The following MED12L variants were observed in gnomAD, a reference collection of about 807,000 sequenced individuals.
MED12L encodes mediator complex subunit 12L.
MED12L carries 60 observed loss-of-function variants against 281.3 expected under a neutral mutation model. The ratio of observed to expected loss-of-function variants is 0.21; its 90% CI spans 0.17 to 0.26. MED12L has a LOEUF of 0.26. MED12L is among the 10% of genes least tolerant of loss of function. The pLI is 1.00. For synonymous variants in MED12L, 974 were observed against 987.2 expected, an observed-to-expected ratio of 0.99 and a Z score of 0.25; for missense variants, 2,146 against 2,680.9, an observed-to-expected ratio of 0.80 and a Z score of 4.41.
intron 16 of MED12L, among the ~76,000 whole-genome samples, chr3:151,259,297 A>G (rs1738428792): frequency 6.6e-6 from 1 of 152,134 alleles, no homozygotes. Flanking sequence ...ACTATGCTAT[A>G]TTTTTCTTAA....
At chr3:151,425,563 T>A in intron 43 of MED12L, 1 of 369,792 alleles carries the variant, frequency 2.7e-6, no homozygotes, top group South Asian at 1.6e-5. Context: ...TTTTTGTTTT[T>A]GTTTGTGTGT....
chr3:151,256,849 G>GTT (rs527914597), intron 16 of MED12L, among the ~76,000 whole-genome samples: 2 of 138,790 alleles, frequency 1.4e-5, no homozygotes, highest in East Asian at 2.1e-4. Flanking sequence ...AATGACAGAG[G>GTT]TTTTTTTTTT....
intron 16 of MED12L, among the ~76,000 whole-genome samples, chr3:151,297,778 T>C (rs1745305075): frequency 6.6e-6 from 1 of 152,130 alleles, no homozygotes. Flanking sequence ...AATGATGATA[T>C]TGATGATGAT....
chr3:151,273,189 A>G (rs956389223), intron 16 of MED12L, among the ~76,000 whole-genome samples: 9 of 149,714 alleles, frequency 6.0e-5, no homozygotes, highest in Non-Finnish European at 8.9e-5. Flanking sequence ...GGGAAAGAAG[A>G]TGATGCTGGC....
At chr3:151,208,465 G>A (rs1268653273) in intron 16 of MED12L, among the ~76,000 whole-genome samples, 6 of 152,120 alleles carry the variant, frequency 3.9e-5, no homozygotes, top group East Asian at 1.9e-4. Context: ...ATGGATCACC[G>A]GAGGTCGGGA....
intron 16 of MED12L, chr3:151,338,410 CAGAG>C: frequency 6.2e-7 from 1 of 1,614,078 alleles, no homozygotes; most frequent in Non-Finnish European, 8.5e-7. Flanking sequence ...CAGATGACAA[CAGAG>C]AGAATCTTAG....
chr3:151,345,661 G>C (rs1752446619), intron 16 of MED12L, among the ~76,000 whole-genome samples: 1 of 151,522 alleles, frequency 6.6e-6, no homozygotes, highest in South Asian at 2.1e-4. Context: ...GAAATTATAG[G>C]CACCTGCCAC....
chr3:151,221,405 A>G (rs371535934), intron 16 of MED12L, among the ~76,000 whole-genome samples: 5 of 152,240 alleles, frequency 3.3e-5, no homozygotes, highest in African/African-American at 9.6e-5. Flanking sequence ...GGGAAAATGT[A>G]TCCAGGGCAT....
At chr3:151,371,215 C>T (rs1756145174) in intron 26 of MED12L, among the ~76,000 whole-genome samples, 1 of 152,206 alleles carries the variant, frequency 6.6e-6, no homozygotes, top group South Asian at 2.1e-4. Flanking sequence ...CCCTAACCAA[C>T]TCTCAATTCC....
chr3:151,180,706 A>T (rs757659321), intron 11 of MED12L, among the ~76,000 whole-genome samples: 1 of 152,216 alleles, frequency 6.6e-6, no homozygotes, highest in Admixed American at 6.5e-5. Context: ...GGGTGAGTCA[A>T]ATCATTGAGA....
At position 151,185,392 on chromosome 3, in the gene MED12L, G is replaced by T. The variant is rs768742726; in HGVS notation, c.1557G>T (p.Arg519=). Residue 519 remains arginine, a synonymous_variant, in exon 12 of 45, where the codon CGG becomes CGT. Coordinates refer to ENST00000687756, the MANE Select transcript of MED12L (RefSeq NM_001393769.1). ...LLCEWAVSCK[R]SGKHRAMAVA... is the part of the protein sequence containing the mutation. ...GTGAATGGGCCGTGAGCTGCAAACG[G>T]TCTGGCAAGCACAGGGCCATGGCTG... 1 of 1,613,966 alleles carries T rather than the reference G, an allele frequency of 6.2e-7. No individual in the cohort carries two copies. Among genetic ancestry groups the T allele is most frequent in the South Asian group, 1.1e-5 (1 of 91,072 alleles).
At chr3:151,413,678 T>A (rs1361184267) in intron 42 of MED12L, among the ~76,000 whole-genome samples, 2 of 152,222 alleles carry the variant, frequency 1.3e-5, no homozygotes, top group Admixed American at 6.5e-5. Flanking sequence ...AGAGCTTTCA[T>A]CAGATTCCTA....
intron 11 of MED12L, among the ~76,000 whole-genome samples, chr3:151,167,542 C>G (rs1387098710): frequency 6.6e-6 from 1 of 152,124 alleles, no homozygotes; most frequent in East Asian, 1.9e-4. Context: ...GATTATTATT[C>G]TTTTTGGAAT....
chr3:151,293,576 TACACACACACAC>T (rs55846173), intron 16 of MED12L, among the ~76,000 whole-genome samples: 32 of 76,224 alleles, frequency 4.2e-4, no homozygotes, highest in South Asian at 3.5e-3. Flanking sequence ...ATGAAGCCCT[TACACACACACAC>T]ACACACACAC....
Position 151,434,219 on chromosome 3 carries a change from TCTA to T in MED12L, c.*1418_*1420del, listed in dbSNP as rs1033971935. On this transcript the variant is annotated 3_prime_UTR_variant, in exon 45 of 45. Coordinates refer to ENST00000687756, the MANE Select transcript of MED12L (RefSeq NM_001393769.1). ...GTCTATAATGAGCAGACCATGTAAATCTACTTTTTTTAAAATGTAGCTAGTACA... is the reference window on the plus strand; with the variant it reads ...GTCTATAATGAGCAGACCATGTAAATCTTTTTTTAAAATGTAGCTAGTACA... 2.6e-4 allele frequency: 39 copies of T among 152,344 alleles called. No individual in the cohort carries two copies. The highest frequency in any genetic ancestry group is 1.4e-3 in the South Asian group (7 of 4,828). 9.4% of individuals were successfully genotyped at this position (152,344 alleles called of 1,614,324 possible).
intron 28 of MED12L, among the ~76,000 whole-genome samples, chr3:151,376,515 T>A (rs1756872394): frequency 6.6e-6 from 1 of 152,160 alleles, no homozygotes; most frequent in South Asian, 2.1e-4. Context: ...TCATTTTGGA[T>A]TGGGATTGGT....
chr3:151,119,107 C>T (rs549160911), intron 3 of MED12L, among the ~76,000 whole-genome samples: 3 of 152,238 alleles, frequency 2.0e-5, no homozygotes, highest in East Asian at 1.9e-4. Context: ...AGATAACATT[C>T]GATGATGTAT....
chr3:151,239,611 A>G (rs1733665923), intron 16 of MED12L, among the ~76,000 whole-genome samples: 1 of 152,232 alleles, frequency 6.6e-6, no homozygotes, highest in Non-Finnish European at 1.5e-5. Flanking sequence ...AACTGTCACA[A>G]TTTTAATTTC....
chr3:151,193,639 G>A lies in MED12L; in HGVS notation c.2223G>A (p.Gln741=). 6.2e-7 allele frequency: 1 copy of A among 1,614,010 alleles called. No homozygotes were observed. The highest frequency in any genetic ancestry group is 8.5e-7 in the Non-Finnish European group (1 of 1,179,946). Residue 741 remains glutamine (Q), a synonymous_variant, in exon 16 of 45, where the codon CAG becomes CAA. Transcript: ENST00000687756. ...PSNYDLLRHL[Q]YATHFPIPLD... ...ATTATGACCTCCTTCGCCACTTACAGTATGCAACACATTTTCCTATACCTC... is the reference window on the plus strand; with the variant it reads ...ATTATGACCTCCTTCGCCACTTACAATATGCAACACATTTTCCTATACCTC...
Sources: gnomAD v4.1 joint callset for allele counts (sites outside exome capture counted in the v4.1 genomes callset) on GRCh38, gnomAD v4.1.1 for gene constraint, MANE v1.5 for transcripts, NCBI Gene and HGNC (gene_info 2026-07-23, HGNC 2026-07-21) for gene names.